NUDCD1: variants seen among roughly 807,000 people sequenced by gnomAD.
NUDCD1 encodes NudC domain containing 1, also known as nudC domain-containing protein 1.
A neutral mutation model predicts 67.8 loss-of-function variants in NUDCD1; 60 were observed. That is an observed-to-expected ratio of 0.88 (90% CI 0.72 to 1.10). NUDCD1 has a LOEUF of 1.10. NUDCD1 is among the 50% of genes least tolerant of loss of function. The probability of loss-of-function intolerance (pLI) is 0.00; values close to 1 mark genes in which losing one functional copy is unlikely to be tolerated. For synonymous variants in NUDCD1, 244 were observed against 230.8 expected (o/e 1.06, Z -0.52); for missense variants, 643 against 695.0 (o/e 0.93, Z 0.84).
chr8:109,321,133 A>C (rs1481499311), intron 2 of NUDCD1, among the ~76,000 whole-genome samples: 2 of 152,244 alleles, frequency 1.3e-5, no homozygotes, highest in Non-Finnish European at 2.9e-5. Flanking sequence ...GCAAGTGATA[A>C]TATTAAACAC....
chr8:109,299,076 G>A (rs1272956469), intron 2 of NUDCD1: 2 of 152,408 alleles, frequency 1.3e-5, no homozygotes, highest in Non-Finnish European at 2.9e-5. Context: ...CACAGGGGTA[G>A]AGGAAGCAGC....
In NUDCD1 at chr8:109,296,515, C is replaced by A; in HGVS notation, c.328G>T (p.Ala110Ser). ...EVFRLPTDLTACDNRLCASIH... is the reference protein window; with the variant it reads ...EVFRLPTDLTSCDNRLCASIH... The stretch of plus-strand genomic sequence containing the variant: ...GATGCACAAAGACGGTTGTCACATG[C>A]TGTCAAATCTGTAGGAAGTCGAAAC... The change falls in exon 3 of 10, where the codon GCA (alanine) becomes TCA (serine). Residue 110 changes from alanine to serine, a missense_variant. Ala to Ser is a moderately conservative substitution (Grantham distance 99, BLOSUM62 1). Transcript: ENST00000239690. 2 of 1,612,084 alleles carry A rather than the reference C, an allele frequency of 1.2e-6. No individual in the cohort carries two copies. The highest frequency in any genetic ancestry group is 1.7e-6 in the Non-Finnish European group (2 of 1,178,562).
In NUDCD1 at chr8:109,242,117, G is replaced by A. The variant is rs192659935; in HGVS notation, c.*892C>T. On this transcript the variant is annotated 3_prime_UTR_variant, in exon 10 of 10. Coordinates refer to ENST00000239690, the MANE Select transcript of NUDCD1 (RefSeq NM_032869.4). Reference sequence around the variant, plus strand: ...TGGCCCCCAATGAGTCATACCATCCGCTGTCAGCTTGTGTAGTCCCCTCAT... The same window carrying A: ...TGGCCCCCAATGAGTCATACCATCCACTGTCAGCTTGTGTAGTCCCCTCAT... The A allele has an allele frequency of 6.3e-5, 25 of 398,046 alleles. No individual in the cohort carries two copies. In the Admixed American group the frequency reaches 8.4e-4, roughly 13 times the overall value. 24.7% of individuals were successfully genotyped at this position (398,046 alleles called of 1,614,324 possible).
chr8:109,323,287 C>G (rs1449838604), intron 1 of NUDCD1, among the ~76,000 whole-genome samples: 1 of 152,150 alleles, frequency 6.6e-6, no homozygotes, highest in Non-Finnish European at 1.5e-5. Context: ...TCTTCCTCCC[C>G]CAAATGCTCA....
intron 8 of NUDCD1, among the ~76,000 whole-genome samples, chr8:109,265,090 T>G (rs1813964527): frequency 6.6e-6 from 1 of 152,060 alleles, no homozygotes; most frequent in African/African-American, 2.4e-5. Context: ...AATTATTCAG[T>G]GAAACATAAT....
At position 109,293,432 on chromosome 8, in the gene NUDCD1, A is replaced by G; in HGVS notation, c.552T>C (p.Leu184=). The G allele has an allele frequency of 6.3e-7, 1 of 1,589,810 alleles. No homozygotes were observed. The highest frequency in any genetic ancestry group is 8.6e-7 in the Non-Finnish European group (1 of 1,165,162). ...CCAATTCCTCTTTCTCTATTCGAAG[A>G]AGTAGGGTAGCTATAGAATGTTCTT... ...NAEEHSIATL[L]LRIEKEELDM... The change falls in exon 4 of 10, where the codon CTT becomes CTC. Residue 184 remains leucine, a synonymous_variant. Coordinates refer to ENST00000239690, the MANE Select transcript of NUDCD1 (RefSeq NM_032869.4).
intron 2 of NUDCD1, among the ~76,000 whole-genome samples, chr8:109,303,307 A>T (rs1417997020): frequency 6.6e-6 from 1 of 152,158 alleles, no homozygotes; most frequent in African/African-American, 2.4e-5. Context: ...TCGCCTTGGA[A>T]GCCTACAGGA....
intron 1 of NUDCD1, chr8:109,329,817 A>C: frequency 6.4e-7 from 1 of 1,551,044 alleles, no homozygotes; most frequent in Non-Finnish European, 8.7e-7. Context: ...GGCATGCTCC[A>C]ACCCTGGAGA....
chr8:109,266,677 ATTTTGACAGCATAGCTCT>A (rs1321248653), intron 8 of NUDCD1, among the ~76,000 whole-genome samples: 1 of 152,176 alleles, frequency 6.6e-6, no homozygotes, highest in African/African-American at 2.4e-5. Context: ...AGAGGCTAAC[ATTTTGACAGCATAGCTCT>A]TAGAAGTAAA....
chr8:109,253,823 A>C (rs534051990), intron 8 of NUDCD1, among the ~76,000 whole-genome samples: 1 of 152,342 alleles, frequency 6.6e-6, no homozygotes, highest in African/African-American at 2.4e-5. Context: ...AATCCTATAG[A>C]CACAGAAAAT....
chr8:109,327,097 G>A (rs1021230602), intron 1 of NUDCD1, among the ~76,000 whole-genome samples: 5 of 152,176 alleles, frequency 3.3e-5, no homozygotes, highest in Non-Finnish European at 7.3e-5. Flanking sequence ...GGACCACTTA[G>A]CTTCTAGAAT....
intron 8 of NUDCD1, among the ~76,000 whole-genome samples, chr8:109,264,679 ATAAT>A (rs775470596): frequency 7.2e-5 from 11 of 152,196 alleles, no homozygotes; most frequent in Non-Finnish European, 1.5e-4. Flanking sequence ...ACTGCAAATG[ATAAT>A]TAAGTATCCC....
At chr8:109,246,120 T>A (rs1044336375) in intron 8 of NUDCD1, among the ~76,000 whole-genome samples, 1 of 152,202 alleles carries the variant, frequency 6.6e-6, no homozygotes. Flanking sequence ...ATGGAAAAAC[T>A]GTCTTCCACA....
At chr8:109,299,716 C>G (rs1003676206) in intron 2 of NUDCD1, among the ~76,000 whole-genome samples, 3 of 152,162 alleles carry the variant, frequency 2.0e-5, no homozygotes, top group African/African-American at 7.2e-5. Flanking sequence ...GTTCTACAGC[C>G]CCATCCACTG....
rs192173088 is a variant in NUDCD1 at position 109,302,382 on chromosome 8, C to T, written c.274-5813G>A. Among the ~76,000 whole-genome samples, 495 of 152,230 alleles carry T rather than the reference C, an allele frequency of 3.3e-3. 3 individuals carry two copies. Among genetic ancestry groups the T allele is most frequent in the African/African-American group, 0.011 (456 of 41,528 alleles). ...CCAATGAGACTCATCCCAAATCTTT[C>T]TTCTTTCTCTGCTGTCTGTTCCTTC... is the stretch of plus-strand genomic sequence containing the variant. On this transcript the variant is annotated intron_variant, in intron 2 of 9. Transcript: ENST00000239690.
At chr8:109,320,388 C>T (rs541098412) in intron 2 of NUDCD1, among the ~76,000 whole-genome samples, 19 of 152,286 alleles carry the variant, frequency 1.2e-4, no homozygotes, top group Non-Finnish European at 2.8e-4. Context: ...AAGAATTCAG[C>T]GATATTTCTC....
In NUDCD1 at chr8:109,281,138, A is replaced by G. The variant is rs1814428467; in HGVS notation, c.858T>C (p.Asp286=). 5 of 1,613,256 alleles carry G rather than the reference A, an allele frequency of 3.1e-6. No homozygotes were observed. The highest frequency in any genetic ancestry group is 2.2e-5 in the East Asian group (1 of 44,788). Residue 286 remains aspartate (D), a synonymous_variant, in exon 6 of 10, where the codon GAT becomes GAC. Transcript: ENST00000239690. ...CTGGAAGCCGTATGGTTACTGTCAA[A>G]TCATCTTCAGTCTGTTGCCAGTAAT... ...PLYYWQQTED[D]LTVTIRLPED...
chr8:109,247,514 T>C (rs1461013693), intron 8 of NUDCD1, among the ~76,000 whole-genome samples: 3 of 152,356 alleles, frequency 2.0e-5, no homozygotes, highest in Admixed American at 6.5e-5. Context: ...TGCCTTATTA[T>C]GAGCCCCTCA....
At chr8:109,251,182 C>CTT (rs60556601) in intron 8 of NUDCD1, among the ~76,000 whole-genome samples, 32 of 130,512 alleles carry the variant, frequency 2.5e-4, no homozygotes, top group South Asian at 9.4e-4. Flanking sequence ...TTTTTTTTTT[C>CTT]TTTTTTTTTT....
Sources: allele counts gnomAD v4.1 joint callset (sites outside exome capture counted in the v4.1 genomes callset), GRCh38; gene constraint gnomAD v4.1.1; transcripts MANE v1.5; gene names NCBI Gene and HGNC (gene_info 2026-07-23, HGNC 2026-07-21).